Variants in FBXO7 observed in about 807,000 individuals in gnomAD.
FBXO7 encodes F-box protein 7.
Under a neutral mutation model 50.2 loss-of-function variants are expected in FBXO7, and 31 were observed. The ratio of observed to expected loss-of-function variants is 0.62; its 90% CI spans 0.46 to 0.83. The LOEUF is 0.83. Among genes scored for constraint, FBXO7 ranks in the 40% least tolerant of loss-of-function variants. FBXO7 has a pLI of 0.00. For synonymous variants in FBXO7, 256 were observed against 253.1 expected, an observed-to-expected ratio of 1.01 and a Z score of -0.11; for missense variants, 667 against 646.6, an observed-to-expected ratio of 1.03 and a Z score of -0.34.
rs768978048 is a variant in FBXO7, at chr22:32,485,108, A to G, written c.686A>G (p.Lys229Arg). The change falls in exon 4 of 9, where the codon AAG becomes AGG. Residue 229 changes from lysine (K) to arginine (R), a missense_variant. Coordinates refer to ENST00000266087, the MANE Select transcript of FBXO7 (RefSeq NM_012179.4). ...AKALSMPEKW[K>R]LSGVYKLQYM... ...GCACTGTCCATGCCGGAGAAGTGGA[A>G]GTTGAGCGGGGTGTATAAGCTGCAG... is the stretch of plus-strand genomic sequence containing the variant. The G allele has an allele frequency of 3.7e-6, 6 of 1,614,054 alleles. No individual in the cohort carries two copies. The highest frequency in any genetic ancestry group is 1.3e-5 in the African/African-American group (1 of 74,930).
chr22:32,484,401 T>A (rs2057485100), intron 3 of FBXO7, among the ~76,000 whole-genome samples: 1 of 152,198 alleles, frequency 6.6e-6, no homozygotes, highest in Non-Finnish European at 1.5e-5. Context: ...AACTGTAGAA[T>A]GGACCGTGAA....
At chr22:32,475,879 T>C (rs2057424966) in intron 1 of FBXO7, 1 of 153,650 alleles carries the variant, frequency 6.5e-6, no homozygotes, top group South Asian at 2.0e-4. Context: ...GTTATTGGTT[T>C]GTGGGACTGC....
At chr22:32,475,787 C>CT (rs1325876241) in intron 1 of FBXO7, 2 of 180,462 alleles carry the variant, frequency 1.1e-5, no homozygotes, top group African/African-American at 2.4e-5. Context: ...TGAAATGTTG[C>CT]TTTTTTGCTA....
At position 32,485,222 on chromosome 22, in the gene FBXO7, C is replaced by T. The variant is rs772254661; in HGVS notation, c.787+13C>T. On this transcript the variant is annotated intron_variant, in intron 4 of 8. Transcript: ENST00000266087. ...ATTGTTGTAAATGGTAATTGGATAG[C>T]ATAGTCATGGTTGCTGGTTTATGGA... The T allele has an allele frequency of 4.3e-6, 7 of 1,614,016 alleles. No homozygotes were observed. In the Admixed American group the frequency reaches 1.2e-4, roughly 27 times the overall value.
At chr22:32,477,439 G>A (rs559771758) in intron 1 of FBXO7, among the ~76,000 whole-genome samples, 12 of 152,300 alleles carry the variant, frequency 7.9e-5, no homozygotes, top group African/African-American at 2.9e-4. Flanking sequence ...ACCACTGTGT[G>A]ATGAAAAACA....
intron 5 of FBXO7, chr22:32,488,648 T>G (rs986022818): frequency 6.6e-6 from 1 of 152,238 alleles, no homozygotes; most frequent in Admixed American, 6.5e-5. Context: ...TAGATTGACA[T>G]TGTTGCTTTG....
chr22:32,474,863 C>G lies in FBXO7; in HGVS notation c.-140C>G, dbSNP rs920366787. ...GCGGCCACTGTGGCGGGGCTCTTTCCCCGTTTCGCCTCAGCTACCCCTCAG... is the reference window on the plus strand; with the variant it reads ...GCGGCCACTGTGGCGGGGCTCTTTCGCCGTTTCGCCTCAGCTACCCCTCAG... On this transcript the variant is annotated 5_prime_UTR_variant, in exon 1 of 9. Coordinates refer to ENST00000266087, the MANE Select transcript of FBXO7 (RefSeq NM_012179.4). 23 of 816,550 alleles carry G rather than the reference C, an allele frequency of 2.8e-5. No individual in the cohort carries two copies. The highest frequency in any genetic ancestry group is 4.2e-5 in the Non-Finnish European group (23 of 546,156). The allele number at this position is 816,550 out of a possible 1,614,324, so 50.6% of individuals were successfully genotyped here.
At position 32,474,940 on chromosome 22, in the gene FBXO7, G is replaced by C. The variant is rs1415956149; in HGVS notation, c.-63G>C. 6.8e-7 allele frequency: 1 copy of C among 1,467,944 alleles called. No homozygotes were observed. Among genetic ancestry groups the C allele is most frequent in the East Asian group, 2.6e-5 (1 of 38,192 alleles). The allele number at this position is 1,467,944 out of a possible 1,614,324, so 90.9% of individuals were successfully genotyped here. ...TCGCCGTTTGGGGCGGGAGCTGCTC[G>C]GCCCCGCCGCCGTCCCCGTCGCCGC... On this transcript the variant is annotated 5_prime_UTR_variant, in exon 1 of 9. Transcript: ENST00000266087.
Position 32,491,107 on chromosome 22 carries a change from A to AT in FBXO7, c.893_894insT (p.Lys299GlnfsTer11), listed in dbSNP as rs2057531939. 2 of 1,613,280 alleles carry AT rather than the reference A, an allele frequency of 1.2e-6. No homozygotes were observed. Among genetic ancestry groups the AT allele is most frequent in the African/African-American group, 2.7e-5 (2 of 74,924 alleles). On this transcript the variant is annotated frameshift_variant, in exon 6 of 9. Transcript: ENST00000266087. LOFTEE classifies it high-confidence loss of function. ...CTAGGGGAAAATGTAGCCAACATATACAAAGATCTTCAGAAACTCTCTCGC... is the reference window on the plus strand; with the variant it reads ...CTAGGGGAAAATGTAGCCAACATATATCAAAGATCTTCAGAAACTCTCTCGC...
In FBXO7 at chr22:32,475,125, G is replaced by A; in HGVS notation, c.122+1G>A. The A allele has an allele frequency of 6.5e-7, 1 of 1,541,062 alleles. No individual in the cohort carries two copies. The highest frequency in any genetic ancestry group is 8.7e-7 in the Non-Finnish European group (1 of 1,143,736). ...CCCTGCTGTGCACCTGGGGGTACAG[G>A]TACGCTGGGGCCGGGGCTGGGCGGC... On this transcript the variant is annotated splice_donor_variant, in intron 1 of 8. Transcript: ENST00000266087. LOFTEE classifies it high-confidence loss of function.
At chr22:32,483,184 G>T (rs1234085851) in intron 2 of FBXO7, among the ~76,000 whole-genome samples, 2 of 152,172 alleles carry the variant, frequency 1.3e-5, no homozygotes, top group African/African-American at 4.8e-5. Flanking sequence ...GTGTTTTTTG[G>T]TAAAGTGTTA....
intron 1 of FBXO7, 57 bp downstream of exon 1, chr22:32,475,181 T>A: frequency 1.3e-6 from 2 of 1,486,492 alleles, no homozygotes; most frequent in South Asian, 2.5e-5. Context: ...TTGGGGTGGG[T>A]GCAGGGCGGG....
intron 4 of FBXO7, among the ~76,000 whole-genome samples, chr22:32,485,701 G>T (rs540706224): frequency 6.6e-6 from 1 of 152,124 alleles, no homozygotes. Context: ...GTTTACTGGG[G>T]CCTTAGTAAG....
chr22:32,490,703 A>G lies in FBXO7; in HGVS notation c.872-383A>G, dbSNP rs115192363. The G allele has an allele frequency of 1.6e-3, 277 of 177,954 alleles. 1 individual carries two copies. The highest frequency in any genetic ancestry group is 7.1e-3 in the African/African-American group (267 of 37,702). 11.0% of individuals were successfully genotyped at this position (177,954 alleles called of 1,614,324 possible). ...CTGATACATAGTCATCATGCGATAA[A>G]TGCTATTAATTTACCAGGTTCTAAG... On this transcript the variant is annotated intron_variant, in intron 5 of 8. Coordinates refer to ENST00000266087, the MANE Select transcript of FBXO7 (RefSeq NM_012179.4).
rs762999184 is a variant in FBXO7, at chr22:32,478,989, C to A, written c.131C>A (p.Thr44Asn). 9 of 1,614,154 alleles carry A rather than the reference C, an allele frequency of 5.6e-6. No homozygotes were observed. In the East Asian group the frequency reaches 1.8e-4, roughly 32 times the overall value. Residue 44 changes from threonine to asparagine, a missense_variant, in exon 2 of 9, where the codon ACC becomes AAC. Physicochemically the swap from Thr to Asn is moderately conservative, Grantham distance 65. Coordinates refer to ENST00000266087, the MANE Select transcript of FBXO7 (RefSeq NM_012179.4). ...LLCTWGYSSNTRFTITLNYKD... is the reference protein window; with the variant it reads ...LLCTWGYSSNNRFTITLNYKD... Reference sequence around the variant, plus strand: ...TCTGTCTTTCTTGGCAGTTCTAATACCCGATTTACAATTACATTGAACTAC... The same window carrying A: ...TCTGTCTTTCTTGGCAGTTCTAATAACCGATTTACAATTACATTGAACTAC...
intron 1 of FBXO7, chr22:32,477,967 TAGAG>T (rs1166340707): frequency 6.6e-6 from 1 of 152,170 alleles, no homozygotes; most frequent in Non-Finnish European, 1.5e-5. Flanking sequence ...CATAACAGAA[TAGAG>T]AGCGCTGGAG....
chr22:32,486,099 A>G (rs2145995124), intron 4 of FBXO7, among the ~76,000 whole-genome samples: 1 of 152,278 alleles, frequency 6.6e-6, no homozygotes, highest in African/African-American at 2.4e-5. Flanking sequence ...GGTTTTCAGT[A>G]TGTTCTGTAG....
chr22:32,497,241 T>C (rs757546101), intron 8 of FBXO7, among the ~76,000 whole-genome samples: 4 of 152,342 alleles, frequency 2.6e-5, no homozygotes, highest in Non-Finnish European at 4.4e-5. Flanking sequence ...TCTGAGATTT[T>C]AGTGCACCCG....
At chr22:32,480,750 A>G (rs932700548) in intron 2 of FBXO7, among the ~76,000 whole-genome samples, 4 of 151,358 alleles carry the variant, frequency 2.6e-5, no homozygotes, top group African/African-American at 9.7e-5. Flanking sequence ...GCTCACTGCA[A>G]CCCTACCCTT....
Sources: allele counts gnomAD v4.1 joint callset (sites outside exome capture counted in the v4.1 genomes callset), GRCh38; gene constraint gnomAD v4.1.1; transcripts MANE v1.5; gene names NCBI Gene and HGNC (gene_info 2026-07-23, HGNC 2026-07-21).